Variants in TTYH1 observed in about 807,000 individuals in gnomAD.
TTYH1 encodes protein tweety homolog 1.
A neutral mutation model predicts 61.2 loss-of-function variants in TTYH1; 33 were observed. The observed-to-expected ratio is 0.54, with a 90% confidence interval of 0.41 to 0.72. The LOEUF (loss-of-function observed/expected upper bound fraction) is 0.72. Among genes scored for constraint, TTYH1 ranks in the 30% least tolerant of loss-of-function variants. The pLI is 0.00. For missense variants in TTYH1, 538 were observed against 575.8 expected, an observed-to-expected ratio of 0.93 and a Z score of 0.67; for synonymous variants, 308 against 266.4, an observed-to-expected ratio of 1.16 and a Z score of -1.52.
intron 10 of TTYH1, chr19:54,433,810 C>G (rs907077775): frequency 6.6e-6 from 1 of 152,176 alleles, no homozygotes; most frequent in Non-Finnish European, 1.5e-5. Context: ...GCTTCTGCCC[C>G]TTCCAGACAG....
In TTYH1 at chr19:54,423,443, G is replaced by A. The variant is rs561705134; in HGVS notation, c.638+1033G>A. ...AAACTCCTGACCTTGTGATCTGCCC[G>A]CCTTGGCCTCTCAAAGTGTTGTTCA... On this transcript the variant is annotated intron_variant, in intron 4 of 13. Coordinates refer to ENST00000376530, the MANE Select transcript of TTYH1 (RefSeq NM_020659.4). 5.9e-5 allele frequency among the ~76,000 whole-genome samples: 9 copies of A among 152,156 alleles called. No homozygotes were observed. The South Asian group carries it at 6.2e-4, about 11-fold the overall frequency.
chr19:54,426,350 TG>T (rs1199808286), intron 4 of TTYH1: 1 of 348,012 alleles, frequency 2.9e-6, no homozygotes, highest in African/African-American at 2.1e-5. Context: ...CTCTGCAGGG[TG>T]GGGTTGGGGA....
At chr19:54,422,852 C>T (rs1461131260) in intron 4 of TTYH1, among the ~76,000 whole-genome samples, 1 of 148,680 alleles carries the variant, frequency 6.7e-6, no homozygotes, top group Non-Finnish European at 1.5e-5. Context: ...TCCCTTGAAC[C>T]CGGGAAATGG....
chr19:54,415,510 C>A lies in TTYH1; in HGVS notation c.-43C>A, dbSNP rs561854419. ...CGCCCCGCTCGACTCCGGAGGCTCC[C>A]GCAGCCCCGGCGTCCGCCCCGCTGC... On this transcript the variant is annotated 5_prime_UTR_variant, in exon 1 of 14. Transcript: ENST00000376530. This position sits in a 1 kb window ranked among gnomAD's most constrained non-coding sequence, Gnocchi z 5.2. 8.8e-6 allele frequency: 12 copies of A among 1,368,140 alleles called. No individual in the cohort carries two copies. 84.8% of individuals were successfully genotyped at this position (1,368,140 alleles called of 1,614,324 possible).
chr19:54,430,511 A>G (rs760181249), intron 7 of TTYH1, 39 bp from the exon 8 acceptor site: 2 of 1,609,504 alleles, frequency 1.2e-6, no homozygotes, highest in African/African-American at 2.7e-5. Context: ...CTGGGGGCCC[A>G]GGCTCATGGC....
At chr19:54,431,763 TGCAGGCTCCAGTTTGGGCTCTGCC>T (rs2122942146) in intron 10 of TTYH1, 1 of 155,540 alleles carries the variant, frequency 6.4e-6, no homozygotes, top group African/African-American at 2.4e-5. Context: ...TCTGGTGTCC[TGCAGGCTCCAGTTTGGGCTCTGCC>T]GCAGGCTGCA....
chr19:54,417,145 A>G (rs2122846431), intron 1 of TTYH1, among the ~76,000 whole-genome samples: 1 of 152,126 alleles, frequency 6.6e-6, no homozygotes, highest in East Asian at 1.9e-4. Context: ...TATGCACAGC[A>G]CACACACACG....
intron 7 of TTYH1, among the ~76,000 whole-genome samples, chr19:54,430,331 G>C (rs1315210888): frequency 6.6e-6 from 1 of 152,186 alleles, no homozygotes; most frequent in Admixed American, 6.5e-5. Context: ...TTTAGTCAGG[G>C]GTTCCCAGGG....
intron 10 of TTYH1, 64 bp downstream of exon 10, chr19:54,431,255 A>G (rs943425206): frequency 1.8e-6 from 2 of 1,125,194 alleles, no homozygotes; most frequent in African/African-American, 3.1e-5. Context: ...CCACAGAACT[A>G]CCTCCTCCTT....
intron 5 of TTYH1, among the ~76,000 whole-genome samples, chr19:54,427,790 G>A (rs1343095332): frequency 1.3e-5 from 2 of 152,106 alleles, no homozygotes; most frequent in African/African-American, 2.4e-5. Context: ...CTTAAGTGTC[G>A]TGGCAAAGCC....
At chr19:54,427,619 A>AAC (rs1439134786) in intron 5 of TTYH1, among the ~76,000 whole-genome samples, 79 of 129,406 alleles carry the variant, frequency 6.1e-4, no homozygotes, top group Admixed American at 1.3e-3. Context: ...CAACAACAAC[A>AAC]AAAAAAAAAA....
In TTYH1 at chr19:54,429,403, G is replaced by C. The variant is rs377176442; in HGVS notation, c.807+24G>C. On this transcript the variant is annotated intron_variant, in intron 6 of 13. Coordinates refer to ENST00000376530, the MANE Select transcript of TTYH1 (RefSeq NM_020659.4). This position sits in a 1 kb window ranked among gnomAD's most constrained non-coding sequence, Gnocchi z 5.1. ...TGGTGAGTGCCAGGGCCGGGCCATT[G>C]GGCTCTGGGACTCAGGGGGCCTGGA... 1.5e-5 allele frequency: 24 copies of C among 1,610,182 alleles called. No homozygotes were observed. The African/African-American group carries it at 3.2e-4, about 22-fold the overall frequency.
rs200564954 is a variant in TTYH1 at position 54,430,473 on chromosome 19, C to CA, written c.884-76dup. The CA allele has an allele frequency of 9.3e-3, 14,085 of 1,519,156 alleles. 150 individuals are homozygous for CA. Among genetic ancestry groups the CA allele is most frequent in the Middle Eastern group, 0.062 (363 of 5,894 alleles). The allele number at this position is 1,519,156 out of a possible 1,614,324, so 94.1% of individuals were successfully genotyped here. ...GAGGCCCCTAACCCTGCTAACCCCC[C>CA]AGTGCCCGGCCTTCCCCCGGGAGAT... On this transcript the variant is annotated intron_variant, in intron 7 of 13. Coordinates refer to ENST00000376530, the MANE Select transcript of TTYH1 (RefSeq NM_020659.4).
At position 54,436,207 on chromosome 19, in the gene TTYH1, G is replaced by C. The variant is rs778675580; in HGVS notation, c.*42+36G>C. 6.2e-7 allele frequency: 1 copy of C among 1,609,992 alleles called. No individual in the cohort carries two copies. Among genetic ancestry groups the C allele is most frequent in the Admixed American group, 1.7e-5 (1 of 59,922 alleles). On this transcript the variant is annotated intron_variant, in intron 13 of 13. Coordinates refer to ENST00000376530, the MANE Select transcript of TTYH1 (RefSeq NM_020659.4). The surrounding 1 kb of genome is among the most constrained non-coding windows in gnomAD (Gnocchi z 4.3). ...AAGGGCCACCCCAGCTCCTGCAGCCGGGCCTCTGCCCCCCTCCCGCCCTCC... is the reference window on the plus strand; with the variant it reads ...AAGGGCCACCCCAGCTCCTGCAGCCCGGCCTCTGCCCCCCTCCCGCCCTCC...
chr19:54,418,007 GACACAC>G (rs35160501), intron 1 of TTYH1, among the ~76,000 whole-genome samples: 5 of 148,174 alleles, frequency 3.4e-5, no homozygotes, highest in African/African-American at 1.3e-4. Flanking sequence ...ACACACTTGG[GACACAC>G]ACACACACAC....
At chr19:54,422,451 C>T (rs1440996728) in intron 4 of TTYH1, 41 bp downstream of exon 4, 2 of 1,464,330 alleles carry the variant, frequency 1.4e-6, no homozygotes, top group African/African-American at 2.8e-5. Flanking sequence ...CGGCAGCTCT[C>T]AGGCGGAGTC....
Position 54,416,810 on chromosome 19 carries a change from A to T in TTYH1, c.126+1132A>T. 1 of 1,293,704 alleles carries T rather than the reference A, an allele frequency of 7.7e-7. No homozygotes were observed. The highest frequency in any genetic ancestry group is 1.0e-6 in the Non-Finnish European group (1 of 988,634). 80.1% of individuals were successfully genotyped at this position (1,293,704 alleles called of 1,614,324 possible). On this transcript the variant is annotated intron_variant, in intron 1 of 13. Transcript: ENST00000376530. The surrounding 1 kb of genome is among the most constrained non-coding windows in gnomAD (Gnocchi z 7.0). ...ACAGCCTCGCGGTTACACAACGGCC[A>T]CCTCCAACAACGCCGCTCCACCGGC...
At chr19:54,435,294 TGCA>T (rs2083520750) in intron 10 of TTYH1, among the ~76,000 whole-genome samples, 1 of 151,906 alleles carries the variant, frequency 6.6e-6, no homozygotes, top group Admixed American at 6.6e-5. Flanking sequence ...CAAGGGCGGG[TGCA>T]GCTCAGGAGA....
At chr19:54,427,809 A>G (rs535144814) in intron 5 of TTYH1, among the ~76,000 whole-genome samples, 26 of 152,274 alleles carry the variant, frequency 1.7e-4, no homozygotes, top group African/African-American at 5.5e-4. Flanking sequence ...CCGCAGGACC[A>G]CACTGATTTC....
Sources: allele counts gnomAD v4.1 joint callset (sites outside exome capture counted in the v4.1 genomes callset), GRCh38; gene constraint gnomAD v4.1.1; non-coding constraint Gnocchi (gnomAD v3.1); transcripts MANE v1.5; gene names NCBI Gene and HGNC (gene_info 2026-07-23, HGNC 2026-07-21).